The following CASP8 variants were observed in gnomAD, a reference collection of about 807,000 sequenced individuals.
CASP8 encodes the protein caspase 8.
Under a neutral mutation model 46.3 loss-of-function variants are expected in CASP8, and 24 were observed. The ratio of observed to expected loss-of-function variants is 0.52; its 90% CI spans 0.38 to 0.73. The LOEUF is 0.73. Among genes scored for constraint, CASP8 ranks in the 30% least tolerant of loss-of-function variants. CASP8 has a pLI of 0.00. For synonymous variants in CASP8, 188 were observed against 200.4 expected (o/e 0.94, Z 0.52); for missense variants, 460 against 559.0 (o/e 0.82, Z 1.79).
Position 201,287,000 on chromosome 2 carries a change from T to C in CASP8, c.*406T>C. ...CTTTATTAATTGTTTTGCACTTTTT[T>C]ATAAGAGCTAAAGTTAAATAGGATA... is the stretch of plus-strand genomic sequence containing the variant. On this transcript the variant is annotated 3_prime_UTR_variant, in exon 9 of 9. Coordinates refer to ENST00000673742, the MANE Select transcript of CASP8 (RefSeq NM_001372051.1). 4.4e-6 allele frequency: 1 copy of C among 228,342 alleles called. No individual in the cohort carries two copies. The highest frequency in any genetic ancestry group is 9.0e-6 in the Non-Finnish European group (1 of 111,108). 14.1% of individuals were successfully genotyped at this position (228,342 alleles called of 1,614,324 possible). A position where few individuals can be genotyped will look rare whatever the true frequency, so the allele number is the denominator to read the frequency against.
chr2:201,267,401 T>C (rs1055198950), intron 2 of CASP8, among the ~76,000 whole-genome samples: 2 of 152,162 alleles, frequency 1.3e-5, no homozygotes, highest in East Asian at 1.9e-4. Context: ...CTAAGTTCTT[T>C]ACGGAGCTGT....
intron 2 of CASP8, among the ~76,000 whole-genome samples, chr2:201,268,909 T>TG (rs1363930678): frequency 3.0e-5 from 4 of 131,534 alleles, no homozygotes; most frequent in Admixed American, 7.9e-5. Flanking sequence ...GGCCTCATCT[T>TG]TGTGTGTGTG....
chr2:201,248,525 T>C (rs1249752918), intron 2 of CASP8, among the ~76,000 whole-genome samples: 2 of 152,210 alleles, frequency 1.3e-5, no homozygotes, highest in East Asian at 3.8e-4. Context: ...TTGAAAGTGT[T>C]TTCACTTTGG....
chr2:201,283,922 C>T (rs1263443637), intron 7 of CASP8, among the ~76,000 whole-genome samples: 1 of 26,918 alleles, frequency 3.7e-5, no homozygotes, highest in African/African-American at 1.2e-4. Context: ...ACTTCTCAGA[C>T]GGGGCGGTTG....
Position 201,287,340 on chromosome 2 carries a change from G to A in CASP8, c.*746G>A, listed in dbSNP as rs1949605789. On this transcript the variant is annotated 3_prime_UTR_variant, in exon 9 of 9. Transcript: ENST00000673742. ...TTGAACCCAAGAGGTCAAGGCTGCAGTGAGCCATGTTCACACCGCTGCACT... is the reference window on the plus strand; with the variant it reads ...TTGAACCCAAGAGGTCAAGGCTGCAATGAGCCATGTTCACACCGCTGCACT... The A allele has an allele frequency of 6.6e-6, 1 of 152,484 alleles. No homozygotes were observed. Among genetic ancestry groups the A allele is most frequent in the Non-Finnish European group, 1.5e-5 (1 of 68,246 alleles). The allele number at this position is 152,484 out of a possible 1,614,324, so 9.4% of individuals were successfully genotyped here. A position where few individuals can be genotyped will look rare whatever the true frequency, so the allele number is the denominator to read the frequency against.
At chr2:201,269,536 C>CT in intron 2 of CASP8, 2 of 1,613,600 alleles carry the variant, frequency 1.2e-6, no homozygotes, top group South Asian at 2.2e-5. Flanking sequence ...ATGAGCTGGG[C>CT]TGAAGCAAAC....
At chr2:201,251,736 C>T (rs938775044) in intron 2 of CASP8, among the ~76,000 whole-genome samples, 13 of 151,810 alleles carry the variant, frequency 8.6e-5, no homozygotes, top group Non-Finnish European at 1.6e-4. Context: ...AACCCTGTCT[C>T]TACTAAAAAT....
chr2:201,242,791 T>C (rs942074903), intron 2 of CASP8: 12 of 152,068 alleles, frequency 7.9e-5, no homozygotes, highest in African/African-American at 2.9e-4. Context: ...TATACTCCCA[T>C]GGTCATAGCA....
intron 7 of CASP8, chr2:201,278,111 A>G (rs1159291366): frequency 6.6e-6 from 1 of 152,450 alleles, no homozygotes; most frequent in Admixed American, 6.5e-5. Flanking sequence ...TATTGAAAAA[A>G]ATATTTTGGA....
chr2:201,280,093 TAG>T (rs1948906617), intron 7 of CASP8, among the ~76,000 whole-genome samples: 2 of 152,134 alleles, frequency 1.3e-5, no homozygotes, highest in Non-Finnish European at 2.9e-5. Flanking sequence ...TTAGTATTCT[TAG>T]AGAGTTAGTT....
chr2:201,254,803 G>A (rs1946942399), intron 2 of CASP8, among the ~76,000 whole-genome samples: 1 of 152,170 alleles, frequency 6.6e-6, no homozygotes, highest in Non-Finnish European at 1.5e-5. Context: ...AGATTCTAGA[G>A]GGTGGAAACC....
intron 1 of CASP8, among the ~76,000 whole-genome samples, chr2:201,264,129 A>T (rs1039631708): frequency 6.6e-6 from 1 of 152,216 alleles, no homozygotes; most frequent in East Asian, 1.9e-4. Flanking sequence ...TGATCTTCCT[A>T]TTCTTTCTAG....
chr2:201,271,408 CT>C (rs1427173891), intron 2 of CASP8, 107 bp from the exon 3 acceptor site: 1 of 763,382 alleles, frequency 1.3e-6, no homozygotes, highest in Non-Finnish European at 2.4e-6. Flanking sequence ...CATTAACTGG[CT>C]TTATGTTGAA....
intron 7 of CASP8, among the ~76,000 whole-genome samples, chr2:201,282,250 G>A (rs1949099891): frequency 2.2e-5 from 1 of 46,000 alleles, no homozygotes; most frequent in African/African-American, 7.3e-5. Context: ...CACAGGGTTG[G>A]GGATAAGGTC....
At chr2:201,276,745 C>A (rs1948656901) in intron 6 of CASP8, 82 bp from the exon 7 acceptor site, 1 of 1,587,354 alleles carries the variant, frequency 6.3e-7, no homozygotes, top group Non-Finnish European at 8.6e-7. Context: ...GAAAGCAAGT[C>A]CTCTTACTAG....
At chr2:201,261,495 A>G (rs1266674668) in intron 1 of CASP8, among the ~76,000 whole-genome samples, 1 of 152,200 alleles carries the variant, frequency 6.6e-6, no homozygotes, top group Non-Finnish European at 1.5e-5. Flanking sequence ...TTGTGGGGTT[A>G]AGAATTTACA....
chr2:201,272,576 AT>A lies in CASP8; in HGVS notation c.412-61del. On this transcript the variant is annotated intron_variant, in intron 3 of 8. Coordinates refer to ENST00000673742, the MANE Select transcript of CASP8 (RefSeq NM_001372051.1). The surrounding 1 kb of genome is among the most constrained non-coding windows in gnomAD (Gnocchi z 4.4). ...GAGAAATTGGAAATTAAAAAAAAAA[AT>A]CTAATCTAAAAACCAGTAGGGCTCA... 6.3e-7 allele frequency: 1 copy of A among 1,581,718 alleles called. No homozygotes were observed. Among genetic ancestry groups the A allele is most frequent in the Non-Finnish European group, 8.7e-7 (1 of 1,155,802 alleles).
At chr2:201,243,717 C>T (rs1192712788) in intron 2 of CASP8, among the ~76,000 whole-genome samples, 1 of 152,176 alleles carries the variant, frequency 6.6e-6, no homozygotes, top group East Asian at 1.9e-4. Context: ...TTGTTCCACC[C>T]TGTTTTGGAG....
intron 2 of CASP8, among the ~76,000 whole-genome samples, chr2:201,271,218 A>C (rs1053352332): frequency 6.6e-6 from 1 of 152,240 alleles, no homozygotes; most frequent in Non-Finnish European, 1.5e-5. Flanking sequence ...TTGCTATTGC[A>C]ACAAAATCTC....
Sources: gnomAD v4.1 joint callset for allele counts (sites outside exome capture counted in the v4.1 genomes callset) on GRCh38, gnomAD v4.1.1 for gene constraint, Gnocchi (gnomAD v3.1) non-coding constraint, MANE v1.5 for transcripts, NCBI Gene and HGNC (gene_info 2026-07-23, HGNC 2026-07-21) for gene names.